Variants in FAF1 observed in about 807,000 individuals in gnomAD.
FAF1 encodes the protein FAS-associated factor 1.
FAF1 carries 25 observed loss-of-function variants against 92.5 expected under a neutral mutation model. The observed-to-expected ratio is 0.27, with a 90% CI of 0.20 to 0.38. The LOEUF is 0.38. Among genes scored for constraint, FAF1 ranks in the 10% least tolerant of loss-of-function variants. The pLI, the probability that FAF1 is intolerant of heterozygous loss-of-function variation, is 1.00. For synonymous variants in FAF1, 234 were observed against 273.2 expected (o/e 0.86, Z 1.42); for missense variants, 636 against 793.3 (o/e 0.80, Z 2.38).
chr1:50,479,442 T>G (rs1646675444), intron 17 of FAF1, among the ~76,000 whole-genome samples: 2 of 152,224 alleles, frequency 1.3e-5, no homozygotes, highest in African/African-American at 4.8e-5. Context: ...TGGTCAGCAC[T>G]CAGTGACAAG....
At chr1:50,762,493 T>G (rs1374283105) in intron 4 of FAF1, among the ~76,000 whole-genome samples, 2 of 151,626 alleles carry the variant, frequency 1.3e-5, no homozygotes, top group East Asian at 3.9e-4. Flanking sequence ...AAAACAGAGA[T>G]ATAGATCAAT....
intron 2 of FAF1, among the ~76,000 whole-genome samples, chr1:50,830,252 G>A (rs901833493): frequency 7.2e-5 from 11 of 152,098 alleles, no homozygotes; most frequent in African/African-American, 2.4e-4. Flanking sequence ...AGTGTAGCTG[G>A]GACTACAGGC....
At chr1:50,502,080 CTATT>C (rs1357268439) in intron 15 of FAF1, among the ~76,000 whole-genome samples, 2 of 152,172 alleles carry the variant, frequency 1.3e-5, no homozygotes, top group African/African-American at 4.8e-5. Context: ...TGTAATGTAA[CTATT>C]TATCATCATA....
At chr1:50,527,838 TCTCTCCCTCTCTCC>T (rs1647902585) in intron 15 of FAF1, among the ~76,000 whole-genome samples, 1 of 93,006 alleles carries the variant, frequency 1.1e-5, no homozygotes, top group Admixed American at 1.0e-4. Context: ...TCTCTCTCTC[TCTCTCCCTCTCTCC>T]CTCTCTCCCT....
chr1:50,488,982 T>A (rs527556929), intron 17 of FAF1, among the ~76,000 whole-genome samples: 6 of 152,362 alleles, frequency 3.9e-5, no homozygotes, highest in African/African-American at 1.4e-4. Context: ...ATGAATAAAC[T>A]TTGATTTCCA....
At chr1:50,756,464 G>A (rs186834220) in intron 4 of FAF1, among the ~76,000 whole-genome samples, 1 of 150,754 alleles carries the variant, frequency 6.6e-6, no homozygotes, top group Non-Finnish European at 1.5e-5. Context: ...TCTCCAGGAG[G>A]TTCCAAACTT....
At chr1:50,580,445 G>A (rs1205405092) in intron 12 of FAF1, among the ~76,000 whole-genome samples, 1 of 151,778 alleles carries the variant, frequency 6.6e-6, no homozygotes, top group Non-Finnish European at 1.5e-5. Context: ...CCTATATATG[G>A]AAGATAAAAA....
chr1:50,624,671 T>C (rs1005620452), intron 8 of FAF1, among the ~76,000 whole-genome samples: 3 of 152,124 alleles, frequency 2.0e-5, no homozygotes, highest in African/African-American at 7.2e-5. Context: ...TGATTTTATT[T>C]CTCCAACATT....
At chr1:50,613,671 T>C (rs1652777957) in intron 8 of FAF1, among the ~76,000 whole-genome samples, 2 of 152,210 alleles carry the variant, frequency 1.3e-5, no homozygotes. Flanking sequence ...CAAGGAATTA[T>C]ACTTTTTAGG....
At chr1:50,479,825 C>T (rs1210659335) in intron 17 of FAF1, among the ~76,000 whole-genome samples, 1 of 152,142 alleles carries the variant, frequency 6.6e-6, no homozygotes, top group East Asian at 1.9e-4. Context: ...ACCAATGGAC[C>T]AATGTGGAAA....
At position 50,811,163 on chromosome 1, in the gene FAF1, C is replaced by T. The variant is rs192110080; in HGVS notation, c.115-9486G>A. Among the ~76,000 whole-genome samples the T allele has an allele frequency of 1.7e-3, 256 of 152,046 alleles. 1 individual carries two copies. Among genetic ancestry groups the T allele is most frequent in the Admixed American group, 4.0e-3 (61 of 15,288 alleles). On this transcript the variant is annotated intron_variant, in intron 2 of 18. Coordinates refer to ENST00000396153, the MANE Select transcript of FAF1 (RefSeq NM_007051.3). ...CAGTGTGAGCAACATGGCATAACCCCGTCTCTATAAAAAAATACAGAAATA... is the reference window on the plus strand; with the variant it reads ...CAGTGTGAGCAACATGGCATAACCCTGTCTCTATAAAAAAATACAGAAATA...
chr1:50,571,708 A>G (rs1379124725), intron 12 of FAF1, among the ~76,000 whole-genome samples: 1 of 152,212 alleles, frequency 6.6e-6, no homozygotes, highest in Non-Finnish European at 1.5e-5. Flanking sequence ...GTTGATGCTT[A>G]AGAAATGCCC....
At chr1:50,920,071 A>G (rs1319478022) in intron 1 of FAF1, among the ~76,000 whole-genome samples, 1 of 151,756 alleles carries the variant, frequency 6.6e-6, no homozygotes, top group Non-Finnish European at 1.5e-5. Context: ...AGGCTGAGTC[A>G]GGTGGACTAC....
At chr1:50,771,164 G>C (rs1402408899) in intron 4 of FAF1, among the ~76,000 whole-genome samples, 1 of 152,108 alleles carries the variant, frequency 6.6e-6, no homozygotes, top group African/African-American at 2.4e-5. Flanking sequence ...AGACAACCTA[G>C]AAGATACCAT....
In FAF1 at chr1:50,472,412, CACACACACACAA is replaced by C. The variant is rs1464971208; in HGVS notation, c.1869+3040_1869+3051del. 2.8e-4 allele frequency among the ~76,000 whole-genome samples: 41 copies of C among 147,854 alleles called. 1 individual carries two copies. Among genetic ancestry groups the C allele is most frequent in the South Asian group, 1.3e-3 (6 of 4,718 alleles). ...ACACACACACACACACACACACACA[CACACACACACAA>C]ACCCCAAAACCAAGTAACTCAATGC... On this transcript the variant is annotated intron_variant, in intron 18 of 18. Transcript: ENST00000396153.
At chr1:50,585,478 T>C (rs1651182817) in intron 9 of FAF1, among the ~76,000 whole-genome samples, 1 of 152,218 alleles carries the variant, frequency 6.6e-6, no homozygotes, top group African/African-American at 2.4e-5. Context: ...GCAACATCAA[T>C]TGAAAAGGTA....
At chr1:50,641,054 G>C (rs1352157004) in intron 8 of FAF1, among the ~76,000 whole-genome samples, 1 of 151,784 alleles carries the variant, frequency 6.6e-6, no homozygotes, top group East Asian at 1.9e-4. Context: ...GGATGGTCTC[G>C]ATCTCTTGAC....
chr1:50,757,079 T>A (rs1177167565), intron 4 of FAF1, among the ~76,000 whole-genome samples: 1 of 152,258 alleles, frequency 6.6e-6, no homozygotes, highest in Admixed American at 6.5e-5. Context: ...TCCAAATTCT[T>A]GTGATTTCTA....
intron 5 of FAF1, among the ~76,000 whole-genome samples, chr1:50,739,750 C>G (rs929757373): frequency 6.6e-6 from 1 of 152,112 alleles, no homozygotes; most frequent in Non-Finnish European, 1.5e-5. Context: ...GATGAGGTCT[C>G]TGGTGTTACC....
Sources: allele counts gnomAD v4.1 joint callset (sites outside exome capture counted in the v4.1 genomes callset), GRCh38; gene constraint gnomAD v4.1.1; transcripts MANE v1.5; gene names NCBI Gene and HGNC (gene_info 2026-07-23, HGNC 2026-07-21).